P2RX6: variants seen among roughly 807,000 people sequenced by gnomAD.
The protein encoded by P2RX6 is purinergic receptor P2X 6.
A neutral mutation model predicts 54.2 loss-of-function variants in P2RX6; 62 were observed. The ratio of observed to expected loss-of-function variants is 1.14; its 90% CI spans 0.93 to 1.41. P2RX6 has a LOEUF of 1.41. Ranked by LOEUF, P2RX6 falls within the 40% of genes most tolerant of loss-of-function variation. The pLI is 0.00. For missense variants in P2RX6, 541 were observed against 566.3 expected (o/e 0.96, Z 0.45); for synonymous variants, 211 against 231.9 (o/e 0.91, Z 0.82).
intron 8 of P2RX6, among the ~76,000 whole-genome samples, chr22:21,024,316 C>T (rs1473372056): frequency 8.0e-5 from 12 of 150,188 alleles, no homozygotes; most frequent in Admixed American, 2.0e-4. Context: ...CTCACTCTGT[C>T]GCCCAGGCTG....
chr22:21,018,369 T>G (rs1266616872), intron 3 of P2RX6: 15 of 395,720 alleles, frequency 3.8e-5, no homozygotes, highest in Non-Finnish European at 7.2e-5. Flanking sequence ...GCAGTTCCCA[T>G]GAGGTGTCCA....
rs1928687567 is a variant in P2RX6, at chr22:21,027,711, C to T, written c.*1094C>T. On this transcript the variant is annotated 3_prime_UTR_variant, in exon 12 of 12. Coordinates refer to ENST00000413302, the MANE Select transcript of P2RX6 (RefSeq NM_005446.5). Reference sequence around the variant, plus strand: ...CAGGGAGGCAAGGGGCTGCTTTCCACTGTGGGTACCTGGTGATCAGGGCAA... The same window carrying T: ...CAGGGAGGCAAGGGGCTGCTTTCCATTGTGGGTACCTGGTGATCAGGGCAA... 6.6e-6 allele frequency: 1 copy of T among 152,278 alleles called. No individual in the cohort carries two copies. Among genetic ancestry groups the T allele is most frequent in the African/African-American group, 2.4e-5 (1 of 41,418 alleles). 9.4% of individuals were successfully genotyped at this position (152,278 alleles called of 1,614,324 possible). A position where few individuals can be genotyped will look rare whatever the true frequency, so the allele number is the denominator to read the frequency against.
At chr22:21,020,552 G>A (rs76622636) in intron 3 of P2RX6, among the ~76,000 whole-genome samples, 1 of 151,788 alleles carries the variant, frequency 6.6e-6, no homozygotes, top group Non-Finnish European at 1.5e-5. Flanking sequence ...TGTAGGTGGG[G>A]GACCTAGGGC....
intron 1 of P2RX6, chr22:21,010,068 T>C (rs976526133): frequency 6.6e-6 from 1 of 152,266 alleles, no homozygotes; most frequent in Non-Finnish European, 1.5e-5. Flanking sequence ...TCCTATGCGG[T>C]AGGTGCTACC....
At position 21,023,013 on chromosome 22, in the gene P2RX6, G is replaced by C. The variant is rs200659965; in HGVS notation, c.535G>C (p.Val179Leu). ...RTCEIWSWCP[V>L]ESGVVPSRPL... ...CTGTGAGATCTGGAGTTGGTGCCCC[G>C]TGGAGAGTGGCGTTGTGCCCTCGTA... The change falls in exon 5 of 12, where the codon GTG becomes CTG. Residue 179 changes from valine (V) to leucine (L), a missense_variant. Physicochemically the swap from Val to Leu is conservative, Grantham distance 32 (BLOSUM62 1). Transcript: ENST00000413302. The C allele has an allele frequency of 6.2e-7, 1 of 1,613,468 alleles. No homozygotes were observed.
chr22:21,026,878 T>A lies in P2RX6; in HGVS notation c.*261T>A. 1.6e-6 allele frequency: 1 copy of A among 620,524 alleles called. No individual in the cohort carries two copies. The highest frequency in any genetic ancestry group is 2.7e-6 in the Non-Finnish European group (1 of 375,462). 38.4% of individuals were successfully genotyped at this position (620,524 alleles called of 1,614,324 possible). On this transcript the variant is annotated 3_prime_UTR_variant, in exon 12 of 12. Transcript: ENST00000413302. This position sits in a 1 kb window ranked among gnomAD's most constrained non-coding sequence, Gnocchi z 4.0. ...GGCACCTGTATTGCAGGGCTCCGAC[T>A]GCATGTGGCAGGGGCTCCTGCTGCG... is the stretch of plus-strand genomic sequence containing the variant.
At chr22:21,014,853 T>TGCC (rs1220827639), upstream of P2RX6, among the ~76,000 whole-genome samples, 1 of 152,176 alleles carries the variant, frequency 6.6e-6, no homozygotes, top group African/African-American at 2.4e-5. Context: ...CTGCTGCTGC[T>TGCC]GCCCTCAGGC....
At chr22:21,019,120 G>A (rs1006997087) in intron 3 of P2RX6, among the ~76,000 whole-genome samples, 5 of 152,090 alleles carry the variant, frequency 3.3e-5, no homozygotes, top group Admixed American at 2.0e-4. Context: ...GAACTATTGG[G>A]ACTCAGGACA....
At chr22:21,022,818 T>C (rs1927659487) in intron 4 of P2RX6, 67 bp downstream of exon 4, 1 of 1,478,872 alleles carries the variant, frequency 6.8e-7, no homozygotes, top group African/African-American at 1.4e-5. Flanking sequence ...CCTGGGTGGC[T>C]CCTGAGTGCA....
At chr22:21,018,264 C>T in intron 3 of P2RX6, 1 of 570,264 alleles carries the variant, frequency 1.8e-6, no homozygotes, top group Non-Finnish European at 3.2e-6. Flanking sequence ...CTGTGATCCC[C>T]ATTTCAGAGG....
chr22:21,023,248 T>C, intron 6 of P2RX6, 27 bp from the exon 7 acceptor site: 1 of 1,613,910 alleles, frequency 6.2e-7, no homozygotes. Flanking sequence ...GTCCCCTACC[T>C]CATCTGACCT....
intron 2 of P2RX6, 110 bp downstream of exon 2, chr22:21,016,202 C>G: frequency 8.8e-7 from 1 of 1,141,396 alleles, no homozygotes; most frequent in South Asian, 1.5e-5. Flanking sequence ...ATGCCAGAGA[C>G]GGCTGCGGGT....
upstream of P2RX6, chr22:21,013,724 C>G (rs1226591752): frequency 6.6e-6 from 1 of 152,220 alleles, no homozygotes; most frequent in East Asian, 1.9e-4. Flanking sequence ...GAATATTTTC[C>G]CCAGGGAAAA....
chr22:21,011,643 C>G (rs1925742542), upstream of P2RX6: 1 of 700,838 alleles, frequency 1.4e-6, no homozygotes, highest in East Asian at 2.7e-5. Flanking sequence ...AGGTACCACC[C>G]CCCTCCCCCC....
At chr22:21,012,191 G>A (rs12168112), upstream of P2RX6, among the ~76,000 whole-genome samples, 9,570 of 149,766 alleles carry the variant, frequency 0.064, 988 homozygotes, top group African/African-American at 0.22. Context: ...GAACTTCCCC[G>A]CCCCCAACTC....
rs1221071194 is a variant in P2RX6 at position 21,026,514 on chromosome 22, C to T, written c.1223C>T (p.Ala408Val). 1.3e-6 allele frequency: 2 copies of T among 1,592,298 alleles called. No individual in the cohort carries two copies. Among genetic ancestry groups the T allele is most frequent in the Middle Eastern group, 1.7e-4 (1 of 6,036 alleles). The change falls in exon 12 of 12, where the codon GCA becomes GTA. Residue 408 changes from alanine to valine, a missense_variant. By Grantham distance (64) the Ala-to-Val change is moderately conservative. Around this residue, in one of 2 missense-constraint regions of P2RX6, gnomAD observed 526 missense variants for 531.5 expected, o/e 0.99. Transcript: ENST00000413302. This position sits in a 1 kb window ranked among gnomAD's most constrained non-coding sequence, Gnocchi z 4.0. ...GCCGAGTGCCTCAGACGGAGCTCAG[C>T]ACCTGCACCCACGGCCACTGCTGCT... Reference protein sequence around the residue: ...RLAECLRRSSAPAPTATAAGS... With the variant: ...RLAECLRRSSVPAPTATAAGS...
intron 8 of P2RX6, 42 bp downstream of exon 8, chr22:21,023,660 C>A: frequency 7.0e-7 from 1 of 1,430,724 alleles, no homozygotes; most frequent in Non-Finnish European, 9.7e-7. Flanking sequence ...CTGGGCCCAT[C>A]GCCCTCTCAC....
chr22:21,025,934 G>A (rs1274213759), intron 9 of P2RX6, 36 bp downstream of exon 9: 3 of 1,580,466 alleles, frequency 1.9e-6, no homozygotes, highest in East Asian at 2.3e-5. Context: ...GGGATGGGAT[G>A]GGGCAGGCAG....
chr22:21,022,847 C>A, intron 4 of P2RX6, 95 bp from the exon 5 acceptor site: 1 of 1,468,968 alleles, frequency 6.8e-7, no homozygotes, highest in Non-Finnish European at 9.4e-7. Context: ...TCGCCTCTGT[C>A]CCTGCATCTC....
Sources: gnomAD v4.1 joint callset for allele counts (sites outside exome capture counted in the v4.1 genomes callset) on GRCh38, gnomAD v4.1.1 for gene constraint, gnomAD v4.1.1 regional missense constraint, Gnocchi (gnomAD v3.1) non-coding constraint, MANE v1.5 for transcripts, NCBI Gene and HGNC (gene_info 2026-07-23, HGNC 2026-07-21) for gene names.